RUNDC3B: variants seen among roughly 807,000 people sequenced by gnomAD.
The protein encoded by RUNDC3B is RUN domain containing 3B.
In RUNDC3B, 33 loss-of-function variants were observed where a neutral mutation model predicts 58.4. The observed-to-expected ratio is 0.56, with a 90% confidence interval of 0.43 to 0.75. The LOEUF (loss-of-function observed/expected upper bound fraction) is 0.75. RUNDC3B is among the 30% of genes least tolerant of loss of function. The pLI is 0.00. For synonymous variants in RUNDC3B, 193 were observed against 195.2 expected (o/e 0.99, Z 0.10); for missense variants, 501 against 535.7 (o/e 0.94, Z 0.64).
intron 2 of RUNDC3B, chr7:87,693,890 G>T: frequency 6.2e-7 from 1 of 1,601,714 alleles, no homozygotes. Flanking sequence ...TGTTGTTGTT[G>T]TTATTTTTTT....
chr7:87,690,492 G>A (rs1036366147), intron 2 of RUNDC3B, among the ~76,000 whole-genome samples: 3 of 152,024 alleles, frequency 2.0e-5, no homozygotes, highest in Non-Finnish European at 4.4e-5. Flanking sequence ...CCACCTACCT[G>A]TAAATGGCAT....
chr7:87,651,735 T>C (rs1176566165), intron 2 of RUNDC3B, among the ~76,000 whole-genome samples: 1 of 152,158 alleles, frequency 6.6e-6, no homozygotes, highest in Non-Finnish European at 1.5e-5. Flanking sequence ...AGATTAATTC[T>C]ATTCTGTACT....
intron 4 of RUNDC3B, among the ~76,000 whole-genome samples, chr7:87,724,760 A>G (rs1223868496): frequency 6.6e-6 from 1 of 152,072 alleles, no homozygotes; most frequent in Non-Finnish European, 1.5e-5. Context: ...TGATCTTCAT[A>G]ATCATTATTT....
At chr7:87,789,550 C>T (rs1051496373) in intron 8 of RUNDC3B, among the ~76,000 whole-genome samples, 4 of 152,120 alleles carry the variant, frequency 2.6e-5, no homozygotes, top group Middle Eastern at 6.3e-3. Context: ...ACAGTTTCTA[C>T]TCATCTGGTC....
intron 4 of RUNDC3B, among the ~76,000 whole-genome samples, chr7:87,722,979 T>C (rs1242918595): frequency 6.6e-6 from 1 of 152,186 alleles, no homozygotes; most frequent in Non-Finnish European, 1.5e-5. Flanking sequence ...GAACGTGAAG[T>C]TGTAGTTCCA....
At chr7:87,763,229 A>G (rs939808671) in intron 6 of RUNDC3B, among the ~76,000 whole-genome samples, 1 of 151,554 alleles carries the variant, frequency 6.6e-6, no homozygotes, top group African/African-American at 2.4e-5. Flanking sequence ...CCTTTTTGAC[A>G]TATGCTTTTG....
At chr7:87,678,515 A>G (rs1826604319) in intron 2 of RUNDC3B, among the ~76,000 whole-genome samples, 1 of 152,254 alleles carries the variant, frequency 6.6e-6, no homozygotes, top group Non-Finnish European at 1.5e-5. Flanking sequence ...ACATTAAAAC[A>G]TTAAAGTTAT....
chr7:87,632,697 T>C (rs1323389253), intron 1 of RUNDC3B, among the ~76,000 whole-genome samples: 1 of 152,184 alleles, frequency 6.6e-6, no homozygotes, highest in African/African-American at 2.4e-5. Context: ...CAGATATTAG[T>C]CATTTTTTCT....
intron 8 of RUNDC3B, among the ~76,000 whole-genome samples, chr7:87,781,214 G>C (rs766591249): frequency 4.6e-5 from 7 of 152,188 alleles, no homozygotes; most frequent in Admixed American, 1.3e-4. Flanking sequence ...AAATTGTTTA[G>C]ATGTATTCTC....
At chr7:87,816,516 A>G (rs1232676523) in intron 10 of RUNDC3B, among the ~76,000 whole-genome samples, 1 of 152,010 alleles carries the variant, frequency 6.6e-6, no homozygotes, top group East Asian at 1.9e-4. Flanking sequence ...CTGCCAATCT[A>G]GCTTTTGTGT....
intron 4 of RUNDC3B, among the ~76,000 whole-genome samples, chr7:87,725,337 G>A (rs182898751): frequency 3.9e-5 from 6 of 152,210 alleles, no homozygotes; most frequent in East Asian, 1.9e-4. Flanking sequence ...GAGAACATGC[G>A]GTGTTTGGTT....
intron 6 of RUNDC3B, among the ~76,000 whole-genome samples, chr7:87,756,118 A>C (rs932337424): frequency 5.9e-5 from 9 of 152,046 alleles, no homozygotes; most frequent in African/African-American, 1.7e-4. Context: ...TAAACACCTG[A>C]GATGTATTTC....
rs571015879 is a variant in RUNDC3B at position 87,725,261 on chromosome 7, C to T, written c.459-14530C>T. ...CCCACTCCCCGCACCCCACAACAGGCCCCGGTGTGTGATGTTCTCCTTCCT... is the reference window on the plus strand; with the variant it reads ...CCCACTCCCCGCACCCCACAACAGGTCCCGGTGTGTGATGTTCTCCTTCCT... On this transcript the variant is annotated intron_variant, in intron 4 of 10. Transcript: ENST00000394654. Among the ~76,000 whole-genome samples the T allele has an allele frequency of 3.9e-5, 6 of 152,268 alleles. No individual in the cohort carries two copies. The East Asian group carries it at 5.8e-4, about 15-fold the overall frequency.
At chr7:87,771,210 T>G (rs752585537) in intron 7 of RUNDC3B, among the ~76,000 whole-genome samples, 1 of 152,080 alleles carries the variant, frequency 6.6e-6, no homozygotes, top group Non-Finnish European at 1.5e-5. Context: ...ACTTTTTTAC[T>G]GTATTTTCTA....
chr7:87,647,632 A>T (rs1823142408), intron 1 of RUNDC3B, among the ~76,000 whole-genome samples: 1 of 152,218 alleles, frequency 6.6e-6, no homozygotes, highest in Admixed American at 6.5e-5. Flanking sequence ...TAGTTAAGTA[A>T]CATCAGTCCT....
intron 2 of RUNDC3B, among the ~76,000 whole-genome samples, chr7:87,653,772 A>C (rs540707195): frequency 1.1e-4 from 16 of 151,902 alleles, no homozygotes; most frequent in Non-Finnish European, 1.5e-4. Context: ...AGTTTCTTTA[A>C]TCTTCTGGAA....
chr7:87,719,745 G>A (rs1388551774), intron 4 of RUNDC3B, among the ~76,000 whole-genome samples: 3 of 151,764 alleles, frequency 2.0e-5, no homozygotes, highest in Non-Finnish European at 4.4e-5. Flanking sequence ...GTAATGCATA[G>A]CTCTGGGATC....
At chr7:87,748,764 G>A (rs543484990) in intron 6 of RUNDC3B, among the ~76,000 whole-genome samples, 5 of 152,238 alleles carry the variant, frequency 3.3e-5, no homozygotes, top group African/African-American at 9.6e-5. Context: ...TCTAGTAAGA[G>A]AAGTCACTAA....
In RUNDC3B at chr7:87,804,357, C is replaced by A. The variant is rs545213244; in HGVS notation, c.957-3016C>A. Among the ~76,000 whole-genome samples, 14 of 152,242 alleles carry A rather than the reference C, an allele frequency of 9.2e-5. No individual in the cohort carries two copies. The South Asian group carries it at 1.7e-3, about 18-fold the overall frequency. On this transcript the variant is annotated intron_variant, in intron 8 of 10. Coordinates refer to ENST00000394654, the MANE Select transcript of RUNDC3B (RefSeq NM_001134405.2). ...TATTTAAGCTTTACAAGTGTCAGAACCTGCCTCATAGTTAGGCTTGACTGG... is the reference window on the plus strand; with the variant it reads ...TATTTAAGCTTTACAAGTGTCAGAAACTGCCTCATAGTTAGGCTTGACTGG...
Sources: allele counts gnomAD v4.1 joint callset (sites outside exome capture counted in the v4.1 genomes callset), GRCh38; gene constraint gnomAD v4.1.1; transcripts MANE v1.5; gene names NCBI Gene and HGNC (gene_info 2026-07-23, HGNC 2026-07-21).